The following OSBPL10 variants were observed in gnomAD, a reference collection of about 807,000 sequenced individuals.
The protein encoded by OSBPL10 is oxysterol-binding protein-related protein 10.
OSBPL10 carries 49 observed loss-of-function variants against 81.7 expected under a neutral mutation model. The observed-to-expected ratio is 0.60, with a 90% CI of 0.48 to 0.76. The LOEUF (loss-of-function observed/expected upper bound fraction) is 0.76. Ranked by LOEUF, OSBPL10 falls within the 30% of genes least tolerant of loss-of-function variation. OSBPL10 has a pLI of 0.00. For synonymous variants in OSBPL10, 419 were observed against 383.6 expected, an observed-to-expected ratio of 1.09 and a Z score of -1.08; for missense variants, 923 against 987.8, an observed-to-expected ratio of 0.93 and a Z score of 0.88.
intron 4 of OSBPL10, among the ~76,000 whole-genome samples, chr3:31,783,826 A>AAAAAAAAAC (rs1698785882): frequency 2.0e-5 from 1 of 51,280 alleles, no homozygotes; most frequent in Non-Finnish European, 3.5e-5. Context: ...AAAAAAAAAT[A>AAAAAAAAAC]TATATATATA....
chr3:31,880,987 T>C (rs1326032352), intron 1 of OSBPL10, among the ~76,000 whole-genome samples: 4 of 152,166 alleles, frequency 2.6e-5, no homozygotes, highest in Admixed American at 6.5e-5. Flanking sequence ...TCCTTCACCA[T>C]AGATAGTTTG....
At chr3:31,965,882 A>G (rs1698380181) in intron 1 of OSBPL10, among the ~76,000 whole-genome samples, 1 of 95,554 alleles carries the variant, frequency 1.0e-5, no homozygotes, top group South Asian at 2.9e-4. Flanking sequence ...TATATAAAAT[A>G]GATAACATAT....
At chr3:31,909,736 C>T (rs1195940865) in intron 1 of OSBPL10, among the ~76,000 whole-genome samples, 2 of 152,076 alleles carry the variant, frequency 1.3e-5, no homozygotes, top group Non-Finnish European at 2.9e-5. Flanking sequence ...TTTCCAGGGC[C>T]GTTCTTCACA....
chr3:31,877,813 G>A (rs566102206), intron 2 of OSBPL10, among the ~76,000 whole-genome samples: 1 of 152,174 alleles, frequency 6.6e-6, no homozygotes, highest in African/African-American at 2.4e-5. Context: ...GTGTGTACCA[G>A]GTGTAATGAA....
chr3:31,753,273 C>T (rs1267068935), intron 4 of OSBPL10, among the ~76,000 whole-genome samples: 1 of 151,716 alleles, frequency 6.6e-6, no homozygotes, highest in Admixed American at 6.6e-5. Context: ...CCGCAACTTC[C>T]GCCTCGCCTC....
chr3:31,831,710 A>G (rs998377829), intron 3 of OSBPL10, among the ~76,000 whole-genome samples: 1 of 152,246 alleles, frequency 6.6e-6, no homozygotes, highest in Admixed American at 6.5e-5. Context: ...CACTCATCAG[A>G]TTGGCAAAAA....
In OSBPL10 at chr3:32,063,165, C is replaced by A. The variant is rs1699760439; in HGVS notation, n.185+14231G>T. On this transcript the variant is annotated intron_variant and non_coding_transcript_variant, in intron 1 of 3. Transcript: ENST00000479173. ...CTCTTGGTAGCTGAATCGACTTGGA[C>A]ATGTTTCAAGAGTAGAATAACACAA... Among the ~76,000 whole-genome samples, 2 of 93,348 alleles carry A rather than the reference C, an allele frequency of 2.1e-5. 1 individual carries two copies. The highest frequency in any genetic ancestry group is 2.6e-4 in the Admixed American group (2 of 7,694). The allele number at this position is 93,348 out of a possible 152,430, so 61.2% of individuals were successfully genotyped here.
At position 31,661,922 on chromosome 3, in the gene OSBPL10, C is replaced by T. The variant is rs1700080453; in HGVS notation, c.*150G>A. ...TCCTCTAGCAGAGTGTGGGGGTGCA[C>T]TTTTCATAGTATATAATTTCTCTCT... On this transcript the variant is annotated 3_prime_UTR_variant, in exon 12 of 12. Coordinates refer to ENST00000396556, the MANE Select transcript of OSBPL10 (RefSeq NM_017784.5). The T allele has an allele frequency of 7.4e-6, 9 of 1,216,790 alleles. No homozygotes were observed. The highest frequency in any genetic ancestry group is 1.5e-5 in the African/African-American group (1 of 65,632). The allele number at this position is 1,216,790 out of a possible 1,614,324, so 75.4% of individuals were successfully genotyped here. A position where few individuals can be genotyped will look rare whatever the true frequency, so the allele number is the denominator to read the frequency against.
rs117634340 is a variant in OSBPL10 at position 31,748,238 on chromosome 3, C to T, written c.730-118G>A. ...TAGGTGAGGGTCAACTCAGCGTGTTCGGTGCACATTCGTCTTTTGATAAAT... is the reference window on the plus strand; with the variant it reads ...TAGGTGAGGGTCAACTCAGCGTGTTTGGTGCACATTCGTCTTTTGATAAAT... On this transcript the variant is annotated intron_variant, in intron 4 of 11. Transcript: ENST00000396556. 2,832 of 853,830 alleles carry T rather than the reference C, an allele frequency of 3.3e-3. 113 individuals are homozygous for T. The East Asian group carries it at 0.06, about 18-fold the overall frequency. The allele number at this position is 853,830 out of a possible 1,614,324, so 52.9% of individuals were successfully genotyped here. A position where few individuals can be genotyped will look rare whatever the true frequency, so the allele number is the denominator to read the frequency against.
At chr3:31,762,922 T>C (rs1178004770) in intron 4 of OSBPL10, among the ~76,000 whole-genome samples, 1 of 152,116 alleles carries the variant, frequency 6.6e-6, no homozygotes, top group Non-Finnish European at 1.5e-5. Context: ...AGAACCATTC[T>C]GTTCCTACAG....
At chr3:31,811,544 T>C (rs1376869692) in intron 4 of OSBPL10, among the ~76,000 whole-genome samples, 1 of 152,192 alleles carries the variant, frequency 6.6e-6, no homozygotes, top group East Asian at 1.9e-4. Flanking sequence ...GGTGCATCCA[T>C]AGAAAATAAC....
chr3:31,839,792 G>C (rs1161599339), intron 3 of OSBPL10, among the ~76,000 whole-genome samples: 2 of 150,970 alleles, frequency 1.3e-5, no homozygotes, highest in African/African-American at 4.9e-5. Flanking sequence ...GGATGGGAGA[G>C]ACTAGTTCCT....
At chr3:31,841,886 A>C (rs375497309) in intron 3 of OSBPL10, among the ~76,000 whole-genome samples, 1 of 152,244 alleles carries the variant, frequency 6.6e-6, no homozygotes, top group South Asian at 2.1e-4. Context: ...TAAGCTGTAT[A>C]ATTTGAAAAA....
chr3:31,959,329 C>T (rs1471042684), intron 1 of OSBPL10, among the ~76,000 whole-genome samples: 9 of 152,178 alleles, frequency 5.9e-5, no homozygotes, highest in African/African-American at 2.2e-4. Flanking sequence ...GTCCTAAAGG[C>T]CAGTTCTGTA....
rs1194243112 is a variant in OSBPL10 at position 31,782,674 on chromosome 3, AAC to A, written c.730-34556_730-34555del. Among the ~76,000 whole-genome samples, 3 of 152,226 alleles carry A rather than the reference AAC, an allele frequency of 2.0e-5. No individual in the cohort carries two copies. The East Asian group carries it at 5.8e-4, about 29-fold the overall frequency. ...TCAAAAGAAGATACACAAATGGCCA[AAC>A]ACAGGAAAAAATGCTCAGCATCACT... On this transcript the variant is annotated intron_variant, in intron 4 of 11. Transcript: ENST00000396556.
At chr3:31,957,393 C>A (rs1211464596) in intron 1 of OSBPL10, among the ~76,000 whole-genome samples, 1 of 152,176 alleles carries the variant, frequency 6.6e-6, no homozygotes, top group East Asian at 1.9e-4. Context: ...GCCACAGTGG[C>A]AGCTGAGGCA....
At chr3:31,742,913 T>C (rs1697397639) in intron 5 of OSBPL10, among the ~76,000 whole-genome samples, 1 of 151,628 alleles carries the variant, frequency 6.6e-6, no homozygotes, top group Non-Finnish European at 1.5e-5. Flanking sequence ...AGAAAACAGA[T>C]ACCCAGTCCC....
chr3:32,073,637 G>A (rs760020819), intron 1 of OSBPL10, among the ~76,000 whole-genome samples: 1 of 151,980 alleles, frequency 6.6e-6, no homozygotes, highest in East Asian at 1.9e-4. Flanking sequence ...TCTTTGCAAC[G>A]GGGCTTTATG....
At chr3:31,855,030 G>A (rs911618607) in intron 3 of OSBPL10, among the ~76,000 whole-genome samples, 1 of 152,096 alleles carries the variant, frequency 6.6e-6, no homozygotes, top group Non-Finnish European at 1.5e-5. Context: ...TTTTGTTTTT[G>A]TTTTTGTTTT....
Sources: gnomAD v4.1 joint callset for allele counts (sites outside exome capture counted in the v4.1 genomes callset) on GRCh38, gnomAD v4.1.1 for gene constraint, MANE v1.5 for transcripts, NCBI Gene and HGNC (gene_info 2026-07-23, HGNC 2026-07-21) for gene names.